ZNF705G: variants seen among roughly 807,000 people sequenced by gnomAD.
ZNF705G encodes the protein zinc finger protein 705G.
Under a neutral mutation model 19.6 loss-of-function variants are expected in ZNF705G, and 23 were observed. That is an observed-to-expected ratio of 1.17 (90% confidence interval 0.84 to 1.66). ZNF705G has a LOEUF of 1.66. Ranked by LOEUF, ZNF705G falls within the 40% of genes most tolerant of loss-of-function variation. The pLI is 0.00. For synonymous variants in ZNF705G, 146 were observed against 117.7 expected, an observed-to-expected ratio of 1.24 and a Z score of -1.56; for missense variants, 457 against 354.4, an observed-to-expected ratio of 1.29 and a Z score of -2.32.
At chr8:7,380,374 C>G (rs1417615798) in intron 2 of ZNF705G, among the ~76,000 whole-genome samples, 32 of 147,694 alleles carry the variant, frequency 2.2e-4, no homozygotes, top group Admixed American at 1.8e-3. Flanking sequence ...CTGTGCATGC[C>G]TTCTTGTGAA....
chr8:7,365,689 A>G (rs1806824742), intron 2 of ZNF705G, among the ~76,000 whole-genome samples: 1 of 149,498 alleles, frequency 6.7e-6, no homozygotes. Flanking sequence ...TAAAAAGTCA[A>G]GAGGAAGGAA....
In ZNF705G at chr8:7,358,780, C is replaced by A. The variant is rs551067409; in HGVS notation, c.319-220G>T. ...ACTGGGTCACACAAACCTGCCTCCCCCTTCTGGTTCCTAAATAATATGGCT... is the reference window on the plus strand; with the variant it reads ...ACTGGGTCACACAAACCTGCCTCCCACTTCTGGTTCCTAAATAATATGGCT... On this transcript the variant is annotated intron_variant, in intron 6 of 6. Transcript: ENST00000400156. Among the ~76,000 whole-genome samples, 16 of 149,468 alleles carry A rather than the reference C, an allele frequency of 1.1e-4. No homozygotes were observed. In the South Asian group the frequency reaches 3.4e-3, roughly 31 times the overall value.
At chr8:7,359,107 C>G (rs1441178747) in intron 6 of ZNF705G, among the ~76,000 whole-genome samples, 1 of 149,594 alleles carries the variant, frequency 6.7e-6, no homozygotes, top group Non-Finnish European at 1.5e-5. Flanking sequence ...TTTCTACCCA[C>G]CTTTTACATG....
chr8:7,363,912 T>G (rs1325709300), intron 2 of ZNF705G, among the ~76,000 whole-genome samples: 2 of 149,514 alleles, frequency 1.3e-5, no homozygotes, highest in Non-Finnish European at 2.9e-5. Flanking sequence ...AATATAGCCC[T>G]TAAAATCTCC....
intron 2 of ZNF705G, among the ~76,000 whole-genome samples, chr8:7,363,357 T>G (rs1191245682): frequency 1.3e-5 from 2 of 148,206 alleles, no homozygotes; most frequent in Non-Finnish European, 2.9e-5. Flanking sequence ...GAATATGATT[T>G]CCACCTATAG....
intron 4 of ZNF705G, 66 bp from the exon 5 acceptor site, chr8:7,360,398 T>C: frequency 1.3e-6 from 2 of 1,580,624 alleles, no homozygotes; most frequent in South Asian, 2.2e-5. Flanking sequence ...TCACCAAGTG[T>C]AATGCAGGCT....
At chr8:7,364,156 A>G (rs1321052809) in intron 2 of ZNF705G, among the ~76,000 whole-genome samples, 1 of 149,640 alleles carries the variant, frequency 6.7e-6, no homozygotes, top group Non-Finnish European at 1.5e-5. Flanking sequence ...GCTGAGAAAT[A>G]CCGATGTCCA....
chr8:7,383,007 C>A (rs1408328053), intron 1 of ZNF705G, among the ~76,000 whole-genome samples: 1 of 141,478 alleles, frequency 7.1e-6, no homozygotes, highest in African/African-American at 2.9e-5. Flanking sequence ...ACCCTAGCTC[C>A]CACTTATAAA....
Position 7,359,641 on chromosome 8 carries a change from T to C in ZNF705G, c.296A>G (p.Asp99Gly), listed in dbSNP as rs766574304. ...MISMHPITRKDASTSMTMENS... is the reference protein window; with the variant it reads ...MISMHPITRKGASTSMTMENS... Reference sequence around the variant, plus strand: ...TACCATTGTCATACTGGTGGATGCGTCTTTTCTGGTGATAGGATGCATGGA... The same window carrying C: ...TACCATTGTCATACTGGTGGATGCGCCTTTTCTGGTGATAGGATGCATGGA... The change falls in exon 6 of 7, where the codon GAC (aspartate) becomes GGC (glycine). Residue 99 changes from aspartate to glycine, a missense_variant. By Grantham distance (94) the Asp-to-Gly change is moderately conservative. Coordinates refer to ENST00000400156, the MANE Select transcript of ZNF705G (RefSeq NM_001164457.3). 6.8e-6 allele frequency: 11 copies of C among 1,606,786 alleles called. 1 individual carries two copies. The highest frequency in any genetic ancestry group is 1.7e-6 in the Non-Finnish European group (2 of 1,179,322).
intron 2 of ZNF705G, among the ~76,000 whole-genome samples, chr8:7,363,711 C>T (rs1806712167): frequency 2.7e-5 from 4 of 149,408 alleles, no homozygotes. Flanking sequence ...ATCCCAGCTA[C>T]TCAGGAGGCT....
chr8:7,382,029 C>T (rs1184872794), intron 1 of ZNF705G, among the ~76,000 whole-genome samples: 1 of 152,294 alleles, frequency 6.6e-6, no homozygotes, highest in African/African-American at 2.4e-5. Flanking sequence ...ATGTATGTGG[C>T]TAAGCACACA....
intron 6 of ZNF705G, 114 bp downstream of exon 6, chr8:7,359,505 A>C: frequency 6.5e-7 from 1 of 1,528,736 alleles, no homozygotes; most frequent in Non-Finnish European, 8.8e-7. Flanking sequence ...TTTTTTGCTT[A>C]GAAAACACTT....
rs773980445 is a variant in ZNF705G, at chr8:7,358,520, T to A, written c.359A>T (p.Asp120Val). Residue 120 changes from aspartate (D) to valine (V), a missense_variant, in exon 7 of 7, where the codon GAT becomes GTT. By Grantham distance (152) the Asp-to-Val change is radical (BLOSUM62 -3). Coordinates refer to ENST00000400156, the MANE Select transcript of ZNF705G (RefSeq NM_001164457.3). ...ACTGCGAGTGCAATCTTCTCCCGAA[T>A]CATTACATTCAAAAGGATCCTCCAG... ...LILEDPFECN[D>V]SGEDCTRSST... 1 of 1,607,574 alleles carries A rather than the reference T, an allele frequency of 6.2e-7. No individual in the cohort carries two copies. Among genetic ancestry groups the A allele is most frequent in the Non-Finnish European group, 8.5e-7 (1 of 1,179,588 alleles).
intron 2 of ZNF705G, among the ~76,000 whole-genome samples, chr8:7,374,310 T>TA (rs1403367072): frequency 0.012 from 2 of 164 alleles, 1 homozygote; most frequent in Admixed American, 0.17. Context: ...ATGGGTTTGA[T>TA]TTTTTTAATC....
intron 6 of ZNF705G, 23 bp from the exon 7 acceptor site, chr8:7,358,583 T>A (rs557131797): frequency 6.2e-7 from 1 of 1,606,712 alleles, no homozygotes; most frequent in Non-Finnish European, 8.5e-7. Context: ...TATTAAAAGC[T>A]CTTAATGGTT....
At chr8:7,383,852 G>T (rs1203259084) in intron 1 of ZNF705G, among the ~76,000 whole-genome samples, 2 of 146,104 alleles carry the variant, frequency 1.4e-5, no homozygotes, top group Admixed American at 1.3e-4. Context: ...GTAAACTTCT[G>T]CTCTTTATAA....
At chr8:7,382,593 C>G (rs1397651941) in intron 1 of ZNF705G, among the ~76,000 whole-genome samples, 1 of 146,186 alleles carries the variant, frequency 6.8e-6, no homozygotes, top group African/African-American at 2.8e-5. Flanking sequence ...TAATGCCAGA[C>G]CATGTAAGGG....
chr8:7,362,826 A>C lies in ZNF705G; in HGVS notation c.12+109T>G, dbSNP rs564800744. 25 of 1,586,010 alleles carry C rather than the reference A, an allele frequency of 1.6e-5. 3 individuals carry two copies. In the African/African-American group the frequency reaches 2.0e-4, roughly 13 times the overall value. On this transcript the variant is annotated intron_variant, in intron 3 of 6. Coordinates refer to ENST00000400156, the MANE Select transcript of ZNF705G (RefSeq NM_001164457.3). Reference sequence around the variant, plus strand: ...GGGTGGATTTTACATCATAAAAACAAACAAACAAAAAAAGAATAAAAATGA... The same window carrying C: ...GGGTGGATTTTACATCATAAAAACACACAAACAAAAAAAGAATAAAAATGA...
rs780020892 is a variant in ZNF705G, at chr8:7,358,553, G to A, written c.326C>T (p.Ser109Phe). The change falls in exon 7 of 7, where the codon TCT becomes TTT. Residue 109 changes from serine (S) to phenylalanine (F), a missense_variant. Coordinates refer to ENST00000400156, the MANE Select transcript of ZNF705G (RefSeq NM_001164457.3). ...TTCAAAAGGATCCTCCAGAATGAGA[G>A]AGTTCTCCTTTGGGGCAAATATTAA... Reference protein sequence around the residue: ...DASTSMTMENSLILEDPFECN... With the variant: ...DASTSMTMENFLILEDPFECN... 9 of 1,607,352 alleles carry A rather than the reference G, an allele frequency of 5.6e-6. 1 individual carries two copies. The South Asian group carries it at 9.9e-5, about 18-fold the overall frequency.
Sources: allele counts gnomAD v4.1 joint callset (sites outside exome capture counted in the v4.1 genomes callset), GRCh38; gene constraint gnomAD v4.1.1; transcripts MANE v1.5; gene names NCBI Gene and HGNC (gene_info 2026-07-23, HGNC 2026-07-21).